Variants in MARCHF8 observed in about 807,000 individuals in gnomAD.
The protein encoded by MARCHF8 is membrane associated ring-CH-type finger 8.
A neutral mutation model predicts 51.6 loss-of-function variants in MARCHF8; 40 were observed. The observed-to-expected ratio is 0.77, with a 90% CI of 0.60 to 1.01. The LOEUF (loss-of-function observed/expected upper bound fraction) is 1.01. Ranked by LOEUF, MARCHF8 falls within the 50% of genes least tolerant of loss-of-function variation. The pLI is 0.00. For synonymous variants in MARCHF8, 263 were observed against 280.3 expected (o/e 0.94, Z 0.62); for missense variants, 685 against 708.6 (o/e 0.97, Z 0.38).
chr10:45,547,981 A>G (rs1195123034), intron 1 of MARCHF8, among the ~76,000 whole-genome samples: 1 of 152,240 alleles, frequency 6.6e-6, no homozygotes, highest in African/African-American at 2.4e-5. Context: ...GCAAATTTGT[A>G]TCACAAGCCA....
At chr10:45,493,680 C>T (rs1156907483) in intron 2 of MARCHF8, among the ~76,000 whole-genome samples, 1 of 152,144 alleles carries the variant, frequency 6.6e-6, no homozygotes, top group Non-Finnish European at 1.5e-5. Flanking sequence ...CAAAAAGCTC[C>T]CAGGTGACTC....
intron 1 of MARCHF8, among the ~76,000 whole-genome samples, chr10:45,569,976 G>C (rs2044410797): frequency 6.6e-6 from 1 of 152,070 alleles, no homozygotes; most frequent in Non-Finnish European, 1.5e-5. Flanking sequence ...AGAGTGAAAA[G>C]CACAACACTT....
chr10:45,536,484 C>A (rs1396665200), upstream of MARCHF8, among the ~76,000 whole-genome samples: 1 of 151,868 alleles, frequency 6.6e-6, no homozygotes, highest in Non-Finnish European at 1.5e-5. Context: ...ATGGTTCACA[C>A]CTATAATCCC....
intron 2 of MARCHF8, among the ~76,000 whole-genome samples, chr10:45,510,614 A>G (rs2043480819): frequency 6.6e-6 from 1 of 152,238 alleles, no homozygotes; most frequent in Non-Finnish European, 1.5e-5. Flanking sequence ...GTCAAAATGC[A>G]TCAATATTTG....
intron 2 of MARCHF8, among the ~76,000 whole-genome samples, chr10:45,527,937 T>C (rs899649990): frequency 6.6e-6 from 1 of 152,144 alleles, no homozygotes; most frequent in Non-Finnish European, 1.5e-5. Context: ...GGGATACAAG[T>C]AGGGTTTAAC....
At position 45,575,493 on chromosome 10, in the gene MARCHF8, G is replaced by C. The variant is rs184941054; in HGVS notation, c.-79+18742C>G. 1.3e-3 allele frequency among the ~76,000 whole-genome samples: 205 copies of C among 152,088 alleles called. 1 individual carries two copies. Among genetic ancestry groups the C allele is most frequent in the African/African-American group, 4.4e-3 (181 of 41,474 alleles). ...TCACCAATAATTCTATACGACAAAT[G>C]CTCCTTCAAACAACCCCACAATATC... On this transcript the variant is annotated intron_variant, in intron 1 of 6. Transcript: ENST00000319836.
rs1842627667 is a variant in MARCHF8 at position 45,457,051 on chromosome 10, G to A, written c.*1188C>T. ...GCCAGCCCACCTGCCTCTTGGCCCT[G>A]GTAGTGACTCCACAGAACTTCCCCG... On this transcript the variant is annotated 3_prime_UTR_variant, in exon 8 of 8. Coordinates refer to ENST00000453424, the MANE Select transcript of MARCHF8 (RefSeq NM_001282866.2). 6.6e-6 allele frequency: 1 copy of A among 152,306 alleles called. No individual in the cohort carries two copies. The highest frequency in any genetic ancestry group is 2.4e-5 in the African/African-American group (1 of 41,446). 9.4% of individuals were successfully genotyped at this position (152,306 alleles called of 1,614,324 possible).
chr10:45,542,845 T>C (rs146542375), intron 1 of MARCHF8, among the ~76,000 whole-genome samples: 31 of 152,318 alleles, frequency 2.0e-4, no homozygotes, highest in African/African-American at 6.3e-4. Flanking sequence ...AAAGTGGCAT[T>C]ATTCCTGGAT....
intron 1 of MARCHF8, among the ~76,000 whole-genome samples, chr10:45,591,020 G>T (rs535207063): frequency 3.3e-5 from 5 of 152,136 alleles, no homozygotes; most frequent in Non-Finnish European, 7.3e-5. Context: ...CCCTTAAGAA[G>T]GTTCTTTGTA....
At chr10:45,576,772 T>TAA (rs79524510) in intron 1 of MARCHF8, among the ~76,000 whole-genome samples, 18 of 112,430 alleles carry the variant, frequency 1.6e-4, no homozygotes, top group South Asian at 5.6e-4. Context: ...AAATAAAAAT[T>TAA]AAAAAAAAAA....
chr10:45,461,241 G>GA lies in MARCHF8; in HGVS notation c.1258_1259insT (p.Pro420LeufsTer41). The GA allele has an allele frequency of 6.6e-7, 1 of 1,525,132 alleles. No individual in the cohort carries two copies. The highest frequency in any genetic ancestry group is 2.1e-5 in the Admixed American group (1 of 46,844). 94.5% of individuals were successfully genotyped at this position (1,525,132 alleles called of 1,614,324 possible). A position where few individuals can be genotyped will look rare whatever the true frequency, so the allele number is the denominator to read the frequency against. The stretch of plus-strand genomic sequence containing the variant: ...CTTCCTCCCACGTACTTTTCTCAGT[G>GA]GCTTCAGCTTGGTCTCCATGATGAA... On this transcript the variant is annotated frameshift_variant, in exon 6 of 8. Coordinates refer to ENST00000453424, the MANE Select transcript of MARCHF8 (RefSeq NM_001282866.2). LOFTEE classifies it high-confidence loss of function.
intron 3 of MARCHF8, among the ~76,000 whole-genome samples, chr10:45,469,594 G>A (rs951385418): frequency 8.5e-5 from 13 of 152,088 alleles, no homozygotes; most frequent in Admixed American, 4.6e-4. Context: ...GGCCAGGCGC[G>A]GTGGCTCACG....
intron 1 of MARCHF8, among the ~76,000 whole-genome samples, chr10:45,550,467 C>T (rs763191321): frequency 2.0e-5 from 3 of 152,192 alleles, no homozygotes; most frequent in Non-Finnish European, 2.9e-5. Flanking sequence ...GAATTCTCAG[C>T]ATGTCATTGT....
intron 1 of MARCHF8, among the ~76,000 whole-genome samples, chr10:45,583,947 A>G (rs2044582995): frequency 6.9e-6 from 1 of 145,080 alleles, no homozygotes; most frequent in South Asian, 2.2e-4. Flanking sequence ...CGGAGGTTGC[A>G]GTGAGCCAAG....
intron 3 of MARCHF8, 88 bp downstream of exon 3, chr10:45,489,279 A>AG: frequency 1.3e-6 from 1 of 788,294 alleles, no homozygotes; most frequent in Non-Finnish European, 1.9e-6. Context: ...CGTCTTTTCA[A>AG]AAAAAAAAAA....
chr10:45,516,415 G>A (rs1257348837), intron 2 of MARCHF8, among the ~76,000 whole-genome samples: 1 of 151,788 alleles, frequency 6.6e-6, no homozygotes, highest in East Asian at 2.0e-4. Context: ...CTCCCAAAAT[G>A]GTAGGATTAT....
Position 45,461,410 on chromosome 10 carries a change from T to G in MARCHF8, c.1090A>C (p.Ile364Leu), listed in dbSNP as rs1323617398. 1 of 1,551,254 alleles carries G rather than the reference T, an allele frequency of 6.4e-7. No homozygotes were observed. The highest frequency in any genetic ancestry group is 8.7e-7 in the Non-Finnish European group (1 of 1,150,654). ...PVSTSGDVCR[I>L]CHCEGDDESP... ...TCATCATCTCCTTCACAGTGGCAGA[T>G]CCTATGGTGGAAGGAAAACCTGTCA... The change falls in exon 6 of 8, where the codon ATC becomes CTC. Residue 364 changes from isoleucine (I) to leucine (L), a missense_variant and splice_region_variant. Physicochemically the swap from Ile to Leu is conservative, Grantham distance 5. Coordinates refer to ENST00000453424, the MANE Select transcript of MARCHF8 (RefSeq NM_001282866.2).
chr10:45,561,861 T>C (rs1264127808), intron 1 of MARCHF8, among the ~76,000 whole-genome samples: 1 of 136,572 alleles, frequency 7.3e-6, no homozygotes, highest in African/African-American at 2.8e-5. Flanking sequence ...AGATGGAGCC[T>C]CTGCACTCCA....
At chr10:45,514,065 C>T (rs960166856) in intron 2 of MARCHF8, among the ~76,000 whole-genome samples, 20 of 152,102 alleles carry the variant, frequency 1.3e-4, no homozygotes, top group Non-Finnish European at 1.9e-4. Context: ...AAGAATAAGA[C>T]GATACATTTA....
Sources: gnomAD v4.1 joint callset for allele counts (sites outside exome capture counted in the v4.1 genomes callset) on GRCh38, gnomAD v4.1.1 for gene constraint, MANE v1.5 for transcripts, NCBI Gene and HGNC (gene_info 2026-07-23, HGNC 2026-07-21) for gene names.